The following ZNF541 variants were observed in gnomAD, a reference collection of about 807,000 sequenced individuals.
ZNF541 encodes the protein zinc finger protein 541.
ZNF541 carries 23 observed loss-of-function variants against 123.5 expected under a neutral mutation model. That is an observed-to-expected ratio of 0.19 (90% CI 0.13 to 0.26). The LOEUF (loss-of-function observed/expected upper bound fraction) is 0.26. Ranked by LOEUF, ZNF541 falls within the 10% of genes least tolerant of loss-of-function variation. The probability of loss-of-function intolerance (pLI) is 1.00; values close to 1 mark genes in which losing one functional copy is unlikely to be tolerated. For synonymous variants in ZNF541, 751 were observed against 754.5 expected, an observed-to-expected ratio of 1.00 and a Z score of 0.08; for missense variants, 1,612 against 1,789.9, an observed-to-expected ratio of 0.90 and a Z score of 1.79.
At chr19:47,572,325 T>TG (rs1036964787) in intron 1 of ZNF541, among the ~76,000 whole-genome samples, 2 of 151,970 alleles carry the variant, frequency 1.3e-5, no homozygotes, top group African/African-American at 4.8e-5. Context: ...GCTGGAAAGT[T>TG]GGGGGTAGGT....
chr19:47,538,245 G>C lies in ZNF541; in HGVS notation c.2991C>G (p.Pro997=), dbSNP rs1969914979. The change falls in exon 9 of 17, where the codon CCC becomes CCG. Residue 997 remains proline, a synonymous_variant. Transcript: ENST00000391901. ...GLFQCSPYTP[P]PMLSPIREGS... ...CCTCCCGGATGGGGCTGAGCATTGG[G>C]GGTGGTGTGTAGGGGGAGCACTGGA... The C allele has an allele frequency of 1.9e-6, 3 of 1,551,636 alleles. No homozygotes were observed. The highest frequency in any genetic ancestry group is 1.7e-6 in the Non-Finnish European group (2 of 1,146,956).
chr19:47,529,738 G>T, intron 12 of ZNF541, 86 bp from the exon 13 acceptor site: 1 of 1,319,310 alleles, frequency 7.6e-7, no homozygotes, highest in Non-Finnish European at 1.1e-6. Flanking sequence ...AAAAACACTT[G>T]CGGCTGTCCC....
In ZNF541 at chr19:47,571,923, G is replaced by C. The variant is rs962341918; in HGVS notation, c.-126C>G. On this transcript the variant is annotated 5_prime_UTR_variant, in exon 2 of 17. Coordinates refer to ENST00000391901, the MANE Select transcript of ZNF541 (RefSeq NM_001277075.3). ...GAAGAGCAAGTTAGTGAATCTCCAG[G>C]GAACAGGAGGACCCAGTTTAGGCCC... 6.6e-6 allele frequency among the ~76,000 whole-genome samples: 1 copy of C among 152,170 alleles called. No individual in the cohort carries two copies. Among genetic ancestry groups the C allele is most frequent in the African/African-American group, 2.4e-5 (1 of 41,436 alleles).
intron 10 of ZNF541, 49 bp downstream of exon 10, chr19:47,532,860 G>C: frequency 6.5e-7 from 1 of 1,529,252 alleles, no homozygotes; most frequent in South Asian, 1.2e-5. Context: ...AGTGACACTA[G>C]AACTCAAGGT....
In ZNF541 at chr19:47,549,397, G is replaced by C. The variant is rs924280237; in HGVS notation, c.396C>G (p.His132Gln). ...CCAGAAGTGGGTTTTGAGGGGAACT[G>C]TGCTGCCGCTTTCCTTTCCTGGCAC... The part of the protein sequence containing the change: ...SGSARKGKRQ[H>Q]SSPQNPLLDC... Residue 132 changes from histidine to glutamine, a missense_variant, in exon 4 of 17, where the codon CAC becomes CAG. By Grantham distance (24) the His-to-Gln change is conservative. This residue lies in a region of ZNF541 where 212 missense variants were observed against 289.6 expected (regional missense o/e 0.73). Transcript: ENST00000391901. 6.4e-7 allele frequency: 1 copy of C among 1,551,608 alleles called. No individual in the cohort carries two copies. The highest frequency in any genetic ancestry group is 1.4e-5 in the African/African-American group (1 of 73,024).
chr19:47,559,292 A>G (rs1970965274), intron 2 of ZNF541, among the ~76,000 whole-genome samples: 1 of 151,856 alleles, frequency 6.6e-6, no homozygotes, highest in Non-Finnish European at 1.5e-5. Flanking sequence ...GAATCACTTG[A>G]ACCCGGGAAG....
intron 11 of ZNF541, 118 bp downstream of exon 11, chr19:47,532,010 G>C: frequency 1.0e-5 from 14 of 1,365,640 alleles, no homozygotes; most frequent in Non-Finnish European, 1.4e-5. Context: ...TCCCTCCCAC[G>C]CCCAGGGGAC....
In ZNF541 at chr19:47,522,004, G is replaced by C. The variant is rs1201126332; in HGVS notation, c.3571-10C>G. The C allele has an allele frequency of 2.6e-6, 4 of 1,551,884 alleles. No homozygotes were observed. Among genetic ancestry groups the C allele is most frequent in the East Asian group, 4.9e-5 (2 of 40,930 alleles). ...CCGTCTTTGTCTGGATCTAGTGAAAGAAAACAAGCAGGCTGTGGCTGTGCC... is the reference window on the plus strand; with the variant it reads ...CCGTCTTTGTCTGGATCTAGTGAAACAAAACAAGCAGGCTGTGGCTGTGCC... On this transcript the variant is annotated splice_polypyrimidine_tract_variant and intron_variant, in intron 14 of 16. Coordinates refer to ENST00000391901, the MANE Select transcript of ZNF541 (RefSeq NM_001277075.3).
In ZNF541 at chr19:47,545,405, A is replaced by G. The variant is rs1231400550; in HGVS notation, c.1124T>C (p.Leu375Pro). Residue 375 changes from leucine (L) to proline (P), a missense_variant, in exon 5 of 17, where the codon CTC becomes CCC. Around this residue, in one of 5 missense-constraint regions of ZNF541, gnomAD observed 1,080 missense variants for 1,013.8 expected, o/e 1.07. Transcript: ENST00000391901. This position sits in a 1 kb window ranked among gnomAD's most constrained non-coding sequence, Gnocchi z 7.5. Reference sequence around the variant, plus strand: ...GCACTCCGCGGTGGACCGGGCCTGGAGCAGCGCGGTATCTGGCTCCGGCTC... The same window carrying G: ...GCACTCCGCGGTGGACCGGGCCTGGGGCAGCGCGGTATCTGGCTCCGGCTC... ...PPEPEPDTAL[L>P]QARSTAECWP... 7 of 1,502,296 alleles carry G rather than the reference A, an allele frequency of 4.7e-6. No homozygotes were observed. In the African/African-American group the frequency reaches 5.6e-5, roughly 12 times the overall value. 93.1% of individuals were successfully genotyped at this position (1,502,296 alleles called of 1,614,324 possible).
chr19:47,531,236 G>GTC (rs1969554789), intron 12 of ZNF541, among the ~76,000 whole-genome samples: 1 of 13,706 alleles, frequency 7.3e-5, no homozygotes, highest in Non-Finnish European at 1.1e-4. Flanking sequence ...TGTGAGCGGG[G>GTC]GGGGGGGGGG....
rs767415819 is a variant in ZNF541 at position 47,538,186 on chromosome 19, G to A, written c.3050C>T (p.Thr1017Met). ...SGVYFNTLCS[T>M]STQASPDQLI... ...CTGGTCAGGGCTGGCCTGAGTGGAC[G>A]TGGAACAGAGGGTGTTGAAGTACAC... Residue 1017 changes from threonine to methionine, a missense_variant, in exon 9 of 17, where the codon ACG (threonine) becomes ATG (methionine). By Grantham distance (81) the Thr-to-Met change is moderately conservative. Coordinates refer to ENST00000391901, the MANE Select transcript of ZNF541 (RefSeq NM_001277075.3). The A allele has an allele frequency of 2.6e-6, 4 of 1,551,448 alleles. No homozygotes were observed. Among genetic ancestry groups the A allele is most frequent in the East Asian group, 2.4e-5 (1 of 40,912 alleles).
intron 2 of ZNF541, among the ~76,000 whole-genome samples, chr19:47,562,884 T>C (rs1006206114): frequency 1.3e-5 from 2 of 152,200 alleles, no homozygotes; most frequent in African/African-American, 4.8e-5. Flanking sequence ...CTCCTGTTGA[T>C]GAACATTTGG....
In ZNF541 at chr19:47,540,161, G is replaced by T; in HGVS notation, c.2622+15C>A. 1 of 1,547,132 alleles carries T rather than the reference G, an allele frequency of 6.5e-7. No homozygotes were observed. The highest frequency in any genetic ancestry group is 8.7e-7 in the Non-Finnish European group (1 of 1,145,752). ...AAACCCAGTAACCACCAAGCCACTG[G>T]TCGTCCCCCTTCACCTGCGGTTCCT... On this transcript the variant is annotated intron_variant, in intron 7 of 16. Coordinates refer to ENST00000391901, the MANE Select transcript of ZNF541 (RefSeq NM_001277075.3).
At position 47,544,909 on chromosome 19, in the gene ZNF541, C is replaced by G. The variant is rs1433896994; in HGVS notation, c.1620G>C (p.Gln540His). 3.9e-6 allele frequency: 6 copies of G among 1,535,984 alleles called. No homozygotes were observed. The Admixed American group carries it at 7.8e-5, about 20-fold the overall frequency. ...LPADASPLFR[Q>H]LFLKSQEPLV... ...GAGGTTCCTGCGACTTGAGGAAGAG[C>G]TGGCGGAAGAGCGGCGAGGCATCCG... Residue 540 changes from glutamine (Q) to histidine (H), a missense_variant, in exon 5 of 17, where the codon CAG (glutamine) becomes CAC (histidine). Gln to His is a conservative substitution (Grantham distance 24, BLOSUM62 0). Around this residue, in one of 5 missense-constraint regions of ZNF541, gnomAD observed 1,080 missense variants for 1,013.8 expected, o/e 1.07. Transcript: ENST00000391901.
chr19:47,532,010 G>T, intron 11 of ZNF541, 118 bp downstream of exon 11: 2 of 1,365,630 alleles, frequency 1.5e-6, no homozygotes, highest in Non-Finnish European at 2.0e-6. Context: ...TCCCTCCCAC[G>T]CCCAGGGGAC....
At chr19:47,531,422 T>C (rs1969566777) in intron 12 of ZNF541, among the ~76,000 whole-genome samples, 1 of 151,972 alleles carries the variant, frequency 6.6e-6, no homozygotes, top group African/African-American at 2.4e-5. Context: ...CTGCGCTTGA[T>C]TGTTGCCCCA....
chr19:47,549,543 C>T lies in ZNF541; in HGVS notation c.308-58G>A, dbSNP rs1201594874. 2.3e-5 allele frequency: 36 copies of T among 1,544,072 alleles called. 1 individual carries two copies. Among genetic ancestry groups the T allele is most frequent in the Non-Finnish European group, 2.8e-5 (32 of 1,143,548 alleles). ...AGCCAAGGCAACCAAGCGAAAAGCACGACTAAGGCACTCTACACCTCTTAG... is the reference window on the plus strand; with the variant it reads ...AGCCAAGGCAACCAAGCGAAAAGCATGACTAAGGCACTCTACACCTCTTAG... On this transcript the variant is annotated intron_variant, in intron 3 of 16. Transcript: ENST00000391901.
In ZNF541 at chr19:47,530,670, G is replaced by C. The variant is rs1375112107; in HGVS notation, c.3405+972C>G. Among the ~76,000 whole-genome samples, 3 of 150,728 alleles carry C rather than the reference G, an allele frequency of 2.0e-5. No homozygotes were observed. The South Asian group carries it at 6.3e-4, about 32-fold the overall frequency. On this transcript the variant is annotated intron_variant, in intron 12 of 16. Coordinates refer to ENST00000391901, the MANE Select transcript of ZNF541 (RefSeq NM_001277075.3). ...TTTCTTTTTTTTTCTTTTTTGAGAC[G>C]GAGTCTCACTCTGTTGCCCAGGCTG...
intron 9 of ZNF541, among the ~76,000 whole-genome samples, 178 bp downstream of exon 9, chr19:47,537,964 T>C (rs528166029): frequency 6.6e-6 from 1 of 152,336 alleles, no homozygotes; most frequent in Non-Finnish European, 1.5e-5. Flanking sequence ...TGTAAAATTC[T>C]ATGCACTAGA....
Sources: gnomAD v4.1 joint callset for allele counts (sites outside exome capture counted in the v4.1 genomes callset) on GRCh38, gnomAD v4.1.1 for gene constraint, gnomAD v4.1.1 regional missense constraint, Gnocchi (gnomAD v3.1) non-coding constraint, MANE v1.5 for transcripts, NCBI Gene and HGNC (gene_info 2026-07-23, HGNC 2026-07-21) for gene names.